The following STEAP1B variants were observed in gnomAD, a reference collection of about 807,000 sequenced individuals.
STEAP1B encodes STEAP family member 1B, also known as STEAP family protein MGC87042.
STEAP1B carries 13 observed loss-of-function variants against 27.9 expected under a neutral mutation model. The ratio of observed to expected loss-of-function variants is 0.47; its 90% confidence interval spans 0.30 to 0.74. The LOEUF (loss-of-function observed/expected upper bound fraction) is 0.74, where lower values mean the gene tolerates loss of function less well. Ranked by LOEUF, STEAP1B falls within the 30% of genes least tolerant of loss-of-function variation. The probability of loss-of-function intolerance (pLI) is 0.06; values close to 1 mark genes in which losing one functional copy is unlikely to be tolerated. For missense variants in STEAP1B, 250 were observed against 298.7 expected (o/e 0.84, Z 1.20); for synonymous variants, 86 against 107.1 (o/e 0.80, Z 1.22).
chr7:22,460,927 T>C (rs1562575148), intron 4 of STEAP1B, among the ~76,000 whole-genome samples: 1 of 152,192 alleles, frequency 6.6e-6, no homozygotes, highest in African/African-American at 2.4e-5. Context: ...AAAGGAGAAA[T>C]ACTTAAAGGA....
chr7:22,441,601 G>A (rs1562568903), intron 4 of STEAP1B, among the ~76,000 whole-genome samples: 1 of 152,192 alleles, frequency 6.6e-6, no homozygotes, highest in African/African-American at 2.4e-5. Flanking sequence ...ATGCTTTGAA[G>A]ACAAAACAGG....
chr7:22,439,754 A>G (rs1785304098), intron 4 of STEAP1B, among the ~76,000 whole-genome samples: 1 of 152,232 alleles, frequency 6.6e-6, no homozygotes, highest in South Asian at 2.1e-4. Context: ...AATAGAAACT[A>G]TCATCATCAA....
chr7:22,448,503 G>C (rs558253065), intron 4 of STEAP1B, among the ~76,000 whole-genome samples: 1 of 152,030 alleles, frequency 6.6e-6, no homozygotes, highest in African/African-American at 2.4e-5. Flanking sequence ...ATTCTGTGTA[G>C]TAATAATATT....
chr7:22,460,560 G>A (rs909500823), intron 4 of STEAP1B, among the ~76,000 whole-genome samples: 8 of 152,160 alleles, frequency 5.3e-5, no homozygotes, highest in African/African-American at 1.9e-4. Context: ...CTGGTGGCCT[G>A]GACATGCTGT....
intron 4 of STEAP1B, among the ~76,000 whole-genome samples, chr7:22,460,668 C>T (rs891780731): frequency 2.0e-5 from 3 of 152,102 alleles, no homozygotes; most frequent in East Asian, 3.9e-4. Context: ...GTCATTGCTA[C>T]ACCAAGGCTG....
intron 4 of STEAP1B, among the ~76,000 whole-genome samples, chr7:22,437,528 T>C (rs1439142356): frequency 6.6e-6 from 1 of 152,244 alleles, no homozygotes; most frequent in Admixed American, 6.5e-5. Context: ...TGCTTTTATG[T>C]CTTGGCTATT....
At chr7:22,445,650 G>T (rs138202775) in intron 4 of STEAP1B, among the ~76,000 whole-genome samples, 11 of 152,230 alleles carry the variant, frequency 7.2e-5, no homozygotes, top group Admixed American at 7.2e-4. Context: ...GACCTTTTCC[G>T]GCTTGGGGGA....
intron 4 of STEAP1B, among the ~76,000 whole-genome samples, chr7:22,482,906 C>T (rs1786108879): frequency 6.6e-6 from 1 of 152,172 alleles, no homozygotes; most frequent in African/African-American, 2.4e-5. Context: ...ATCCCTGGAT[C>T]TTGTCTCAGG....
chr7:22,454,838 T>TATAAATATAAATATATATATAAATATAA (rs1231476251), intron 4 of STEAP1B, among the ~76,000 whole-genome samples: 4 of 115,770 alleles, frequency 3.5e-5, no homozygotes, highest in Non-Finnish European at 7.0e-5. Flanking sequence ...TATATATATA[T>TATAAATATAAATATATATATAAATATAA]ATATATATAT....
chr7:22,448,519 A>C (rs1785440636), intron 4 of STEAP1B, among the ~76,000 whole-genome samples: 1 of 152,138 alleles, frequency 6.6e-6, no homozygotes, highest in Non-Finnish European at 1.5e-5. Context: ...ATATTAGTCA[A>C]ATTAATTTTT....
intron 4 of STEAP1B, among the ~76,000 whole-genome samples, chr7:22,489,976 T>C (rs539665179): frequency 2.6e-5 from 4 of 152,358 alleles, no homozygotes; most frequent in African/African-American, 9.6e-5. Context: ...TTACCTTTCA[T>C]GGTCCAGCCT....
At chr7:22,466,462 C>T (rs1583645062) in intron 4 of STEAP1B, among the ~76,000 whole-genome samples, 2 of 147,416 alleles carry the variant, frequency 1.4e-5, no homozygotes, top group Admixed American at 7.1e-5. Flanking sequence ...CATGTATGAC[C>T]ATGTGATGAG....
chr7:22,432,729 C>T (rs138307594), intron 4 of STEAP1B, among the ~76,000 whole-genome samples: 81 of 152,276 alleles, frequency 5.3e-4, no homozygotes, highest in African/African-American at 1.7e-3. Context: ...CTTCCTAAAC[C>T]TTGACTAGTA....
chr7:22,484,594 A>AATACCATATTCAT (rs1432515334), intron 4 of STEAP1B, among the ~76,000 whole-genome samples: 2 of 152,212 alleles, frequency 1.3e-5, no homozygotes, highest in East Asian at 3.8e-4. Context: ...CACACCTGCT[A>AATACCATATTCAT]ATACCATATT....
chr7:22,460,070 G>A (rs905837839), intron 4 of STEAP1B, among the ~76,000 whole-genome samples: 2 of 152,136 alleles, frequency 1.3e-5, no homozygotes, highest in African/African-American at 2.4e-5. Flanking sequence ...AGCGCTCTGG[G>A]AGGTCAAGGT....
intron 4 of STEAP1B, among the ~76,000 whole-genome samples, chr7:22,435,473 C>A (rs904850581): frequency 6.6e-6 from 1 of 152,126 alleles, no homozygotes; most frequent in African/African-American, 2.4e-5. Flanking sequence ...TAAGTAGAAT[C>A]TAATCCAAAA....
intron 4 of STEAP1B, among the ~76,000 whole-genome samples, chr7:22,456,789 G>A (rs552925204): frequency 1.3e-5 from 2 of 150,820 alleles, no homozygotes; most frequent in South Asian, 2.1e-4. Context: ...AGAAGGAATC[G>A]GATGTAGTGC....
intron 4 of STEAP1B, among the ~76,000 whole-genome samples, chr7:22,471,556 C>T (rs1161586362): frequency 6.6e-6 from 1 of 152,158 alleles, no homozygotes; most frequent in Admixed American, 6.5e-5. Flanking sequence ...GAGAAATAGA[C>T]TGCTCCTGAT....
intron 4 of STEAP1B, among the ~76,000 whole-genome samples, chr7:22,452,620 G>T (rs1395212692): frequency 1.3e-5 from 2 of 152,110 alleles, no homozygotes; most frequent in Non-Finnish European, 2.9e-5. Context: ...AAGGATAAAT[G>T]ACTTTTACTC....
Sources: allele counts gnomAD v4.1 joint callset (sites outside exome capture counted in the v4.1 genomes callset), GRCh38; gene constraint gnomAD v4.1.1; transcripts MANE v1.5; gene names NCBI Gene and HGNC (gene_info 2026-07-23, HGNC 2026-07-21).